PIEZO2: variants seen among roughly 807,000 people sequenced by gnomAD.
PIEZO2 encodes piezo type mechanosensitive ion channel component 2, also known as piezo-type mechanosensitive ion channel component 2.
A neutral mutation model predicts 337.3 loss-of-function variants in PIEZO2; 172 were observed. That is an observed-to-expected ratio of 0.51 (90% CI 0.45 to 0.58). The LOEUF is 0.58. PIEZO2 is among the 20% of genes least tolerant of loss of function. PIEZO2 has a pLI of 0.00. For synonymous variants in PIEZO2, 1,251 were observed against 1,228.5 expected, an observed-to-expected ratio of 1.02 and a Z score of -0.38; for missense variants, 3,028 against 3,391.3, an observed-to-expected ratio of 0.89 and a Z score of 2.66.
At chr18:10,730,501 A>G (rs1233539859) in intron 36 of PIEZO2, among the ~76,000 whole-genome samples, 1 of 152,222 alleles carries the variant, frequency 6.6e-6, no homozygotes, top group Non-Finnish European at 1.5e-5. Flanking sequence ...GATATATACA[A>G]TAAAATATTG....
At position 10,953,774 on chromosome 18, in the gene PIEZO2, T is replaced by C. The variant is rs1263874443; in HGVS notation, c.286+25761A>G. Among the ~76,000 whole-genome samples the C allele has an allele frequency of 6.6e-6, 1 of 152,126 alleles. No individual in the cohort carries two copies. The highest frequency in any genetic ancestry group is 2.4e-5 in the African/African-American group (1 of 41,414). ...TACTCATGGTCCTGCGGGAGGACAC[T>C]GCACACCACACAGGGCCACACCGGG... On this transcript the variant is annotated intron_variant, in intron 3 of 55. Coordinates refer to ENST00000674853, the MANE Select transcript of PIEZO2 (RefSeq NM_001378183.1). This position sits in a 1 kb window ranked among gnomAD's most constrained non-coding sequence, Gnocchi z 5.2.
rs1173565919 is a variant in PIEZO2 at position 10,854,244 on chromosome 18, A to T, written c.917+1109T>A. 1.3e-5 allele frequency among the ~76,000 whole-genome samples: 2 copies of T among 152,234 alleles called. No homozygotes were observed. Among genetic ancestry groups the T allele is most frequent in the Non-Finnish European group, 2.9e-5 (2 of 68,046 alleles). ...CTGTATAGCTCATCTGTTGCATCAC[A>T]CTGAGAGGTGTGAAATGTTAAGCTA... On this transcript the variant is annotated intron_variant, in intron 7 of 55. Transcript: ENST00000674853. This position sits in a 1 kb window ranked among gnomAD's most constrained non-coding sequence, Gnocchi z 4.6.
chr18:10,928,736 C>T (rs1482760817), intron 3 of PIEZO2, among the ~76,000 whole-genome samples: 2 of 152,158 alleles, frequency 1.3e-5, no homozygotes, highest in Non-Finnish European at 2.9e-5. Context: ...TTATTAGTGA[C>T]CTAGAGAGAT....
At chr18:10,774,275 G>C (rs899743753) in intron 18 of PIEZO2, among the ~76,000 whole-genome samples, 16 of 152,218 alleles carry the variant, frequency 1.1e-4, no homozygotes, top group African/African-American at 3.9e-4. Context: ...GTTTGTAAAG[G>C]AGAGAGCATA....
chr18:10,695,307 A>T (rs1172083445), intron 47 of PIEZO2, among the ~76,000 whole-genome samples: 2 of 152,086 alleles, frequency 1.3e-5, no homozygotes, highest in Admixed American at 1.3e-4. Flanking sequence ...GGCTGGGGAG[A>T]AGAAGGCTGG....
At chr18:10,814,245 A>G (rs931982571) in intron 7 of PIEZO2, among the ~76,000 whole-genome samples, 1 of 152,120 alleles carries the variant, frequency 6.6e-6, no homozygotes, top group African/African-American at 2.4e-5. Context: ...CTAGGATTAC[A>G]GGCATGAGCC....
In PIEZO2 at chr18:10,680,356, G is replaced by A; in HGVS notation, c.7795C>T (p.Leu2599=). ...ATGTCTTCTTTTTCATAATTTTCCA[G>A]AAATTGCATAGCACCCTGTATGTGC... The part of the protein sequence containing the change: ...FSRDTGAMQF[L]ENYEKEDITV... Residue 2599 remains leucine (L), a synonymous_variant, in exon 52 of 56, where the codon CTG becomes TTG. Coordinates refer to ENST00000674853, the MANE Select transcript of PIEZO2 (RefSeq NM_001378183.1). 2 of 1,613,734 alleles carry A rather than the reference G, an allele frequency of 1.2e-6. No homozygotes were observed. Among genetic ancestry groups the A allele is most frequent in the Non-Finnish European group, 1.7e-6 (2 of 1,179,814 alleles).
intron 4 of PIEZO2, among the ~76,000 whole-genome samples, chr18:10,880,884 T>TAC (rs2042398270): frequency 1.1e-5 from 1 of 89,650 alleles, no homozygotes; most frequent in Non-Finnish European, 2.2e-5. Flanking sequence ...TATATATATA[T>TAC]ATATATATAT....
rs74871067 is a variant in PIEZO2 at position 11,016,958 on chromosome 18, T to G, written c.161-37298A>C. Among the ~76,000 whole-genome samples, 2,380 of 152,260 alleles carry G rather than the reference T, an allele frequency of 0.016. 65 individuals carry two copies. The highest frequency in any genetic ancestry group is 0.052 in the African/African-American group (2,140 of 41,536). ...GAGACACTGACAAGCTGAGGGAAGT[T>G]CAGAGGAGAGCACAGGATTGAAGGG... On this transcript the variant is annotated intron_variant, in intron 2 of 55. Transcript: ENST00000674853. This position sits in a 1 kb window ranked among gnomAD's most constrained non-coding sequence, Gnocchi z 5.6.
intron 18 of PIEZO2, among the ~76,000 whole-genome samples, chr18:10,780,043 G>A (rs1011901558): frequency 6.6e-6 from 1 of 152,162 alleles, no homozygotes; most frequent in Non-Finnish European, 1.5e-5. Flanking sequence ...GGCAAGCCTT[G>A]CACTAATTCT....
Position 10,837,777 on chromosome 18 carries a change from A to T in PIEZO2, c.917+17576T>A, listed in dbSNP as rs1317219446. Among the ~76,000 whole-genome samples, 2 of 152,066 alleles carry T rather than the reference A, an allele frequency of 1.3e-5. No homozygotes were observed. Among genetic ancestry groups the T allele is most frequent in the Non-Finnish European group, 2.9e-5 (2 of 68,018 alleles). The stretch of plus-strand genomic sequence containing the variant: ...TTTGTTGTTGTTGTTGTTGAGATGA[A>T]GTCTCACTCTGTCGCCCAGGCTGGA... On this transcript the variant is annotated intron_variant, in intron 7 of 55. Transcript: ENST00000674853. The surrounding 1 kb of genome is among the most constrained non-coding windows in gnomAD (Gnocchi z 4.4).
At chr18:10,911,418 G>A (rs917339305) in intron 3 of PIEZO2, among the ~76,000 whole-genome samples, 190 bp from the exon 4 acceptor site, 9 of 141,346 alleles carry the variant, frequency 6.4e-5, no homozygotes, top group African/African-American at 1.6e-4. Flanking sequence ...TAAAAAGTCC[G>A]CATATACAGA....
Position 10,789,385 on chromosome 18 carries a change from C to T in PIEZO2, c.1883-20G>A. On this transcript the variant is annotated intron_variant, in intron 14 of 55. Transcript: ENST00000674853. ...CCTCATCTTCAAATAGAAAACTGTG[C>T]TGTTATACTTAGCTGGTTATCTGTG... The T allele has an allele frequency of 6.5e-7, 1 of 1,526,804 alleles. No individual in the cohort carries two copies. Among genetic ancestry groups the T allele is most frequent in the Non-Finnish European group, 8.8e-7 (1 of 1,142,102 alleles). The allele number at this position is 1,526,804 out of a possible 1,614,324, so 94.6% of individuals were successfully genotyped here.
intron 3 of PIEZO2, among the ~76,000 whole-genome samples, chr18:10,911,846 G>A (rs1265681640): frequency 6.6e-6 from 1 of 152,024 alleles, no homozygotes; most frequent in African/African-American, 2.4e-5. Context: ...AAAGCATTAG[G>A]CCACGCCAAT....
In PIEZO2 at chr18:10,784,093, C is replaced by T. The variant is rs944806421; in HGVS notation, c.2492+691G>A. On this transcript the variant is annotated intron_variant, in intron 17 of 55. Coordinates refer to ENST00000674853, the MANE Select transcript of PIEZO2 (RefSeq NM_001378183.1). The surrounding 1 kb of genome is among the most constrained non-coding windows in gnomAD (Gnocchi z 4.5). ...AGGCAGAAAGGAAAACCATTGTCAGCGTTCACTAAAAGAATGCTTGTGATC... is the reference window on the plus strand; with the variant it reads ...AGGCAGAAAGGAAAACCATTGTCAGTGTTCACTAAAAGAATGCTTGTGATC... 6.6e-6 allele frequency among the ~76,000 whole-genome samples: 1 copy of T among 152,160 alleles called. No homozygotes were observed. The highest frequency in any genetic ancestry group is 1.5e-5 in the Non-Finnish European group (1 of 68,038).
At chr18:10,799,511 A>G (rs1428185628) in intron 11 of PIEZO2, among the ~76,000 whole-genome samples, 2 of 141,794 alleles carry the variant, frequency 1.4e-5, no homozygotes, top group African/African-American at 4.9e-5. Flanking sequence ...TGCTGCGCAG[A>G]CCAAAAATCA....
At chr18:10,785,446 T>G (rs1364178732) in intron 16 of PIEZO2, among the ~76,000 whole-genome samples, 3 of 152,228 alleles carry the variant, frequency 2.0e-5, no homozygotes, top group Non-Finnish European at 4.4e-5. Context: ...TCCTGTAAGA[T>G]TCTCGTGCCC....
chr18:11,122,656 A>T (rs1301107880), intron 1 of PIEZO2, among the ~76,000 whole-genome samples: 1 of 152,118 alleles, frequency 6.6e-6, no homozygotes, highest in Non-Finnish European at 1.5e-5. Context: ...ACGAGGTGAA[A>T]CTCATTAGTA....
At chr18:10,890,769 A>G (rs545891944) in intron 4 of PIEZO2, 1 of 151,594 alleles carries the variant, frequency 6.6e-6, no homozygotes, top group South Asian at 2.1e-4. Flanking sequence ...GCCAAATCAT[A>G]TCAAGGAATA....
Sources: allele counts gnomAD v4.1 joint callset (sites outside exome capture counted in the v4.1 genomes callset), GRCh38; gene constraint gnomAD v4.1.1; non-coding constraint Gnocchi (gnomAD v3.1); transcripts MANE v1.5; gene names NCBI Gene and HGNC (gene_info 2026-07-23, HGNC 2026-07-21).